Variants in MAGI2 observed in about 807,000 individuals in gnomAD.
The protein encoded by MAGI2 is membrane associated guanylate kinase, WW and PDZ domain containing 2.
In MAGI2, 35 loss-of-function variants were observed where a neutral mutation model predicts 133.3. The ratio of observed to expected loss-of-function variants is 0.26; its 90% CI spans 0.20 to 0.35. MAGI2 has a LOEUF of 0.35. Ranked by LOEUF, MAGI2 falls within the 10% of genes least tolerant of loss-of-function variation. MAGI2 has a pLI of 1.00. For synonymous variants in MAGI2, 729 were observed against 710.6 expected (o/e 1.03, Z -0.41); for missense variants, 1,636 against 1,863.4 (o/e 0.88, Z 2.25).
chr7:78,211,099 A>C (rs1787724090), intron 10 of MAGI2, among the ~76,000 whole-genome samples: 1 of 152,210 alleles, frequency 6.6e-6, no homozygotes, highest in Non-Finnish European at 1.5e-5. Flanking sequence ...GAAAGAGGCT[A>C]ACTGGTGAAA....
intron 1 of MAGI2, among the ~76,000 whole-genome samples, chr7:79,339,558 A>C (rs1840737864): frequency 6.6e-6 from 1 of 151,286 alleles, no homozygotes; most frequent in Non-Finnish European, 1.5e-5. Flanking sequence ...GGGCATATAC[A>C]ATTTATTCTG....
chr7:79,181,569 G>C (rs1045889573), intron 1 of MAGI2, among the ~76,000 whole-genome samples: 1 of 151,980 alleles, frequency 6.6e-6, no homozygotes, highest in African/African-American at 2.4e-5. Flanking sequence ...CCTGTGATGG[G>C]AGGGGCTGCT....
intron 1 of MAGI2, among the ~76,000 whole-genome samples, chr7:79,449,974 G>T (rs937740556): frequency 6.7e-6 from 1 of 149,736 alleles, no homozygotes; most frequent in Non-Finnish European, 1.5e-5. Context: ...TATGATAACT[G>T]TAATGTAAAA....
intron 2 of MAGI2, among the ~76,000 whole-genome samples, chr7:78,731,009 G>C (rs1464680891): frequency 6.6e-6 from 1 of 151,560 alleles, no homozygotes; most frequent in African/African-American, 2.4e-5. Flanking sequence ...TTTTCACAAG[G>C]CCAACTTTTC....
intron 1 of MAGI2, among the ~76,000 whole-genome samples, chr7:79,179,190 C>CT (rs1826388594): frequency 2.0e-5 from 3 of 151,938 alleles, no homozygotes; most frequent in African/African-American, 2.4e-5. Flanking sequence ...TCTTTCAAAT[C>CT]TTTTTTCTGA....
chr7:78,560,868 T>C (rs17372719), intron 3 of MAGI2, among the ~76,000 whole-genome samples: 1 of 152,092 alleles, frequency 6.6e-6, no homozygotes, highest in South Asian at 2.1e-4. Flanking sequence ...ACATATAGCC[T>C]TTCTAGTAGA....
intron 1 of MAGI2, among the ~76,000 whole-genome samples, chr7:79,055,546 T>C (rs1304946618): frequency 1.3e-5 from 2 of 151,794 alleles, no homozygotes; most frequent in African/African-American, 4.8e-5. Context: ...AACTGGTCTA[T>C]AGAACACACT....
intron 2 of MAGI2, among the ~76,000 whole-genome samples, chr7:78,914,709 T>C (rs989581241): frequency 6.6e-6 from 1 of 152,014 alleles, no homozygotes; most frequent in African/African-American, 2.4e-5. Context: ...TTAGAGAAAA[T>C]AGAGGAGTGA....
At chr7:78,498,443 TCA>T (rs1277926572) in intron 5 of MAGI2, among the ~76,000 whole-genome samples, 13 of 152,196 alleles carry the variant, frequency 8.5e-5, no homozygotes, top group Non-Finnish European at 2.9e-5. Flanking sequence ...GCAAAGGTTC[TCA>T]CAGATCAATG....
At chr7:78,368,711 A>T (rs1793626293) in intron 7 of MAGI2, among the ~76,000 whole-genome samples, 1 of 152,110 alleles carries the variant, frequency 6.6e-6, no homozygotes, top group South Asian at 2.1e-4. Context: ...AATACTGTTG[A>T]TTTGGAATGA....
At chr7:78,091,038 G>A (rs1583856207) in intron 20 of MAGI2, among the ~76,000 whole-genome samples, 1 of 105,430 alleles carries the variant, frequency 9.5e-6, no homozygotes, top group East Asian at 2.1e-4. Context: ...AGTGACTGAT[G>A]TGTATGTGTG....
chr7:78,419,879 C>T (rs1323855929), intron 6 of MAGI2, among the ~76,000 whole-genome samples: 1 of 152,048 alleles, frequency 6.6e-6, no homozygotes, highest in African/African-American at 2.4e-5. Context: ...TGAAGAACCA[C>T]CCTGTTTATA....
At chr7:79,019,277 C>A (rs1809048218) in intron 1 of MAGI2, among the ~76,000 whole-genome samples, 2 of 152,184 alleles carry the variant, frequency 1.3e-5, no homozygotes, top group South Asian at 4.1e-4. Context: ...AAGGGCAGGA[C>A]TGGGTGGAGA....
chr7:78,939,238 C>T (rs1196241341), intron 2 of MAGI2, among the ~76,000 whole-genome samples: 1 of 152,148 alleles, frequency 6.6e-6, no homozygotes, highest in Admixed American at 6.6e-5. Context: ...AAGTGATCTG[C>T]CTGCCTTGGC....
At chr7:78,716,596 ATCTT>A (rs1219560676) in intron 2 of MAGI2, among the ~76,000 whole-genome samples, 2 of 152,222 alleles carry the variant, frequency 1.3e-5, no homozygotes, top group African/African-American at 2.4e-5. Context: ...TTTTTACAAA[ATCTT>A]TCTCATAATT....
At chr7:78,334,990 T>G (rs1032600512) in intron 9 of MAGI2, among the ~76,000 whole-genome samples, 1 of 152,186 alleles carries the variant, frequency 6.6e-6, no homozygotes, top group African/African-American at 2.4e-5. Flanking sequence ...TGCTGCCACC[T>G]GTATTTGTAA....
chr7:79,423,272 A>G (rs1474051044), intron 1 of MAGI2, among the ~76,000 whole-genome samples: 2 of 152,082 alleles, frequency 1.3e-5, no homozygotes, highest in Non-Finnish European at 2.9e-5. Flanking sequence ...TTAATCTTCA[A>G]CACCACTAGG....
At chr7:79,358,872 C>T (rs1323754307) in intron 1 of MAGI2, among the ~76,000 whole-genome samples, 1 of 152,124 alleles carries the variant, frequency 6.6e-6, no homozygotes, top group Admixed American at 6.6e-5. Flanking sequence ...GACACATGGG[C>T]AAGACCTAAG....
At chr7:78,554,547 G>T (rs991194507) in intron 3 of MAGI2, 2 of 152,196 alleles carry the variant, frequency 1.3e-5, no homozygotes, top group African/African-American at 4.8e-5. Context: ...CAACAGCAGA[G>T]ACAGGAAGGT....
Sources: allele counts gnomAD v4.1 joint callset (sites outside exome capture counted in the v4.1 genomes callset), GRCh38; gene constraint gnomAD v4.1.1; transcripts MANE v1.5; gene names NCBI Gene and HGNC (gene_info 2026-07-23, HGNC 2026-07-21).